Variants in ZNF33A observed in about 807,000 individuals in gnomAD.
ZNF33A encodes the protein brain my041 protein.
A neutral mutation model predicts 15.9 loss-of-function variants in ZNF33A; 9 were observed. That is an observed-to-expected ratio of 0.57 (90% CI 0.34 to 0.99). The LOEUF (loss-of-function observed/expected upper bound fraction) is 0.99. Among genes scored for constraint, ZNF33A ranks in the 50% least tolerant of loss-of-function variants. The pLI is 0.02. For missense variants in ZNF33A, 843 were observed against 941.6 expected (o/e 0.90, Z 1.37); for synonymous variants, 294 against 324.2 (o/e 0.91, Z 1.00).
intron 2 of ZNF33A, among the ~76,000 whole-genome samples, chr10:38,015,401 G>A (rs989380975): frequency 2.0e-5 from 3 of 152,010 alleles, no homozygotes; most frequent in African/African-American, 7.2e-5. Context: ...TGCCTCCCAG[G>A]TTAAAGGGAT....
chr10:38,037,689 T>C (rs957067648), intron 4 of ZNF33A, among the ~76,000 whole-genome samples: 3 of 152,208 alleles, frequency 2.0e-5, no homozygotes, highest in Admixed American at 2.0e-4. Context: ...GAACATAATA[T>C]ATAGTAGTGT....
At position 38,055,752 on chromosome 10, in the gene ZNF33A, A is replaced by G. The variant is rs953201323; in HGVS notation, c.1628A>G (p.His543Arg). The G allele has an allele frequency of 6.2e-7, 1 of 1,613,008 alleles. No individual in the cohort carries two copies. Among genetic ancestry groups the G allele is most frequent in the East Asian group, 2.2e-5 (1 of 44,852 alleles). Residue 543 changes from histidine (H) to arginine (R), a missense_variant, in exon 5 of 5, where the codon CAT (histidine) becomes CGT (arginine). Physicochemically the swap from His to Arg is conservative, Grantham distance 29. Coordinates refer to ENST00000432900, the MANE Select transcript of ZNF33A (RefSeq NM_006954.2). ...TFCLKSDLTV[H>R]QRTHTGQKPF... Reference sequence around the variant, plus strand: ...TGCTTGAAGTCAGACCTCACAGTACATCAGAGAACACACACAGGGCAGAAA... The same window carrying G: ...TGCTTGAAGTCAGACCTCACAGTACGTCAGAGAACACACACAGGGCAGAAA...
rs2064465381 is a variant in ZNF33A, at chr10:38,016,730, A to C, written c.10-141A>C. 27 of 942,034 alleles carry C rather than the reference A, an allele frequency of 2.9e-5. No homozygotes were observed. The East Asian group carries it at 7.5e-4, about 26-fold the overall frequency. The allele number at this position is 942,034 out of a possible 1,614,324, so 58.4% of individuals were successfully genotyped here. ...TTTCTTTTGCATGAATTAATATCTT[A>C]ATGCATTAATGGCAGAATATTTCTG... is the stretch of plus-strand genomic sequence containing the variant. On this transcript the variant is annotated intron_variant, in intron 2 of 4. Transcript: ENST00000432900.
chr10:38,057,992 G>A lies in ZNF33A; in HGVS notation c.*1432G>A. 2.0e-6 allele frequency: 2 copies of A among 985,240 alleles called. No homozygotes were observed. The highest frequency in any genetic ancestry group is 4.7e-5 in the South Asian group (1 of 21,290). 61.0% of individuals were successfully genotyped at this position (985,240 alleles called of 1,614,324 possible). A position where few individuals can be genotyped will look rare whatever the true frequency, so the allele number is the denominator to read the frequency against. On this transcript the variant is annotated 3_prime_UTR_variant, in exon 5 of 5. Coordinates refer to ENST00000432900, the MANE Select transcript of ZNF33A (RefSeq NM_006954.2). ...CTGGTGTGGGGCTTTTATTGATAGTGTGAAGATTGTACACTATATTACATG... is the reference window on the plus strand; with the variant it reads ...CTGGTGTGGGGCTTTTATTGATAGTATGAAGATTGTACACTATATTACATG...
chr10:38,020,708 T>C (rs148820749), intron 4 of ZNF33A, among the ~76,000 whole-genome samples: 7 of 152,352 alleles, frequency 4.6e-5, no homozygotes, highest in Non-Finnish European at 1.0e-4. Context: ...TGTGTATATG[T>C]ACCACATTTT....
chr10:38,010,724 C>T lies in ZNF33A; in HGVS notation c.-104C>T. 6.3e-7 allele frequency: 1 copy of T among 1,598,394 alleles called. No individual in the cohort carries two copies. On this transcript the variant is annotated 5_prime_UTR_variant, in exon 1 of 5. Transcript: ENST00000432900. Reference sequence around the variant, plus strand: ...CTCAGGTTTTGCGTGGGAGGCGGTCCCGGGATTTCAAGGGTCTACGCGCTT... The same window carrying T: ...CTCAGGTTTTGCGTGGGAGGCGGTCTCGGGATTTCAAGGGTCTACGCGCTT...
chr10:38,010,853 G>A, intron 1 of ZNF33A, 70 bp downstream of exon 1: 5 of 1,580,946 alleles, frequency 3.2e-6, no homozygotes, highest in South Asian at 2.2e-5. Context: ...GCGGCAGGGG[G>A]CCGGTACCAA....
chr10:38,012,379 T>C (rs1432134959), intron 2 of ZNF33A, 29 bp downstream of exon 2: 7 of 1,612,700 alleles, frequency 4.3e-6, no homozygotes, highest in Middle Eastern at 1.6e-4. Context: ...CCCTACTTTA[T>C]TTTGCAGTGG....
downstream of ZNF33A, among the ~76,000 whole-genome samples, chr10:38,063,002 CAAAAAAAAAAAAA>C (rs373779802): frequency 0.058 from 2,561 of 44,296 alleles, 120 homozygotes; most frequent in East Asian, 0.3. Context: ...GACTCCATCT[CAAAAAAAAAAAAA>C]AAAAAAAAAA....
intron 4 of ZNF33A, among the ~76,000 whole-genome samples, chr10:38,045,281 G>A (rs1046373722): frequency 6.6e-6 from 1 of 152,156 alleles, no homozygotes. Context: ...CTCCTCCTTG[G>A]AAATGCACAC....
At position 38,010,841 on chromosome 10, in the gene ZNF33A, G is replaced by T. The variant is rs1590413046; in HGVS notation, c.-45+58G>T. ...GGGAGCCCCGCGCGACTCCTGGGGC[G>T]GGCGGCAGGGGGCCGGTACCAAGTG... On this transcript the variant is annotated intron_variant, in intron 1 of 4. Coordinates refer to ENST00000432900, the MANE Select transcript of ZNF33A (RefSeq NM_006954.2). 2.5e-6 allele frequency: 4 copies of T among 1,588,514 alleles called. No homozygotes were observed. The South Asian group carries it at 4.4e-5, about 17-fold the overall frequency.
chr10:38,013,901 C>G (rs563713062), intron 2 of ZNF33A, among the ~76,000 whole-genome samples: 1 of 152,160 alleles, frequency 6.6e-6, no homozygotes, highest in African/African-American at 2.4e-5. Flanking sequence ...CGTCTTGTCC[C>G]CCTCACAATC....
intron 4 of ZNF33A, among the ~76,000 whole-genome samples, chr10:38,035,960 C>A (rs969107153): frequency 6.6e-6 from 1 of 152,104 alleles, no homozygotes; most frequent in African/African-American, 2.4e-5. Flanking sequence ...GCAAAGGGAA[C>A]CTTCTTAACA....
At position 38,055,186 on chromosome 10, in the gene ZNF33A, G is replaced by C; in HGVS notation, c.1062G>C (p.Gln354His). The part of the protein sequence containing the change: ...LTRHQRVHTG[Q>H]KPFQCNECEK... ...GACATCAGAGGGTGCACACAGGACA[G>C]AAACCCTTTCAATGTAATGAATGTG... The change falls in exon 5 of 5, where the codon CAG (glutamine) becomes CAC (histidine). Residue 354 changes from glutamine to histidine, a missense_variant. Coordinates refer to ENST00000432900, the MANE Select transcript of ZNF33A (RefSeq NM_006954.2). 6.2e-7 allele frequency: 1 copy of C among 1,614,134 alleles called. No homozygotes were observed. The highest frequency in any genetic ancestry group is 8.5e-7 in the Non-Finnish European group (1 of 1,179,984).
intron 4 of ZNF33A, among the ~76,000 whole-genome samples, chr10:38,023,207 G>A (rs2064834396): frequency 6.6e-6 from 1 of 152,190 alleles, no homozygotes; most frequent in East Asian, 1.9e-4. Flanking sequence ...GTCTCCCAAA[G>A]TGCTGGGATT....
chr10:38,029,560 G>T (rs1215536834), intron 4 of ZNF33A, among the ~76,000 whole-genome samples: 1 of 152,126 alleles, frequency 6.6e-6, no homozygotes, highest in Non-Finnish European at 1.5e-5. Context: ...GGTTTTTATA[G>T]TTCTTGTTTT....
rs1368156559 is a variant in ZNF33A at position 38,054,354 on chromosome 10, AT to A, written c.251-19del. ...AATGTTTTGGTATTTATGTGGTAAG[AT>A]TAATTTTGCTTGTTTCTAGAAGTCT... On this transcript the variant is annotated intron_variant, in intron 4 of 4. Coordinates refer to ENST00000432900, the MANE Select transcript of ZNF33A (RefSeq NM_006954.2). 1 of 1,512,622 alleles carries A rather than the reference AT, an allele frequency of 6.6e-7. No individual in the cohort carries two copies. The highest frequency in any genetic ancestry group is 8.8e-7 in the Non-Finnish European group (1 of 1,136,996). The allele number at this position is 1,512,622 out of a possible 1,614,324, so 93.7% of individuals were successfully genotyped here. A position where few individuals can be genotyped will look rare whatever the true frequency, so the allele number is the denominator to read the frequency against.
At chr10:38,042,145 A>G (rs983075143) in intron 4 of ZNF33A, among the ~76,000 whole-genome samples, 2 of 150,212 alleles carry the variant, frequency 1.3e-5, no homozygotes, top group African/African-American at 4.9e-5. Flanking sequence ...CAGAGTTACC[A>G]TCTAGTGTAA....
At chr10:38,027,476 G>A (rs662082) in intron 4 of ZNF33A, among the ~76,000 whole-genome samples, 150,622 of 151,966 alleles carry the variant, frequency 0.99, 74,659 homozygotes, top group Middle Eastern at 1. Context: ...CATTCATCCT[G>A]CTGAGGGGAC....
Sources: allele counts gnomAD v4.1 joint callset (sites outside exome capture counted in the v4.1 genomes callset), GRCh38; gene constraint gnomAD v4.1.1; transcripts MANE v1.5; gene names NCBI Gene and HGNC (gene_info 2026-07-23, HGNC 2026-07-21).